The following RYR3 variants were observed in gnomAD, a reference collection of about 807,000 sequenced individuals.
RYR3 encodes brain ryanodine receptor-calcium release channel.
Under a neutral mutation model 584.3 loss-of-function variants are expected in RYR3, and 207 were observed. The ratio of observed to expected loss-of-function variants is 0.35; its 90% CI spans 0.32 to 0.40. The LOEUF is 0.40. Ranked by LOEUF, RYR3 falls within the 10% of genes least tolerant of loss-of-function variation. RYR3 has a pLI of 1.00. For missense variants in RYR3, 5,616 were observed against 6,089.2 expected, an observed-to-expected ratio of 0.92 and a Z score of 2.59; for synonymous variants, 2,416 against 2,248.5, an observed-to-expected ratio of 1.07 and a Z score of -2.11.
intron 16 of RYR3, among the ~76,000 whole-genome samples, chr15:33,592,119 T>C (rs1330896882): frequency 6.6e-6 from 1 of 152,164 alleles, no homozygotes; most frequent in Non-Finnish European, 1.5e-5. Context: ...GGGCCATTGA[T>C]TAGGGAGGCC....
At chr15:33,388,280 G>T (rs1033753405) in intron 1 of RYR3, among the ~76,000 whole-genome samples, 1 of 152,180 alleles carries the variant, frequency 6.6e-6, no homozygotes, top group Non-Finnish European at 1.5e-5. Flanking sequence ...TCAGGCAAGT[G>T]TAAGAATAGA....
intron 8 of RYR3, among the ~76,000 whole-genome samples, chr15:33,546,274 TCTC>T (rs1441057215): frequency 6.6e-6 from 1 of 152,110 alleles, no homozygotes; most frequent in Non-Finnish European, 1.5e-5. Flanking sequence ...TTCACCCTCT[TCTC>T]CTGAAGGGAT....
At chr15:33,794,177 C>T (rs1161196827) in intron 67 of RYR3, among the ~76,000 whole-genome samples, 1 of 79,998 alleles carries the variant, frequency 1.3e-5, no homozygotes, top group African/African-American at 3.6e-5. Context: ...TACAAATATA[C>T]ATTATATATA....
chr15:33,746,182 CTG>C, intron 53 of RYR3, 25 bp downstream of exon 53: 2 of 1,472,432 alleles, frequency 1.4e-6, no homozygotes, highest in Non-Finnish European at 1.9e-6. Context: ...TCTGGTAACA[CTG>C]TGTGACCATG....
At chr15:33,797,592 G>A (rs143548633) in intron 67 of RYR3, among the ~76,000 whole-genome samples, 129 of 152,222 alleles carry the variant, frequency 8.5e-4, no homozygotes, top group African/African-American at 3.0e-3. Context: ...CCTCTTAGAA[G>A]AGGGGTGGCC....
intron 38 of RYR3, among the ~76,000 whole-genome samples, chr15:33,677,810 A>G (rs2152734977): frequency 6.6e-6 from 1 of 152,332 alleles, no homozygotes; most frequent in Admixed American, 6.5e-5. Context: ...TAGCAGAAAT[A>G]CACACCTGTC....
rs1206053625 is a variant in RYR3, at chr15:33,662,165, C to T, written c.4635C>T (p.Ile1545=). 1.2e-5 allele frequency: 19 copies of T among 1,595,942 alleles called. No individual in the cohort carries two copies. Among genetic ancestry groups the T allele is most frequent in the Non-Finnish European group, 1.2e-5 (14 of 1,172,018 alleles). The change falls in exon 35 of 104, where the codon ATC becomes ATT. Residue 1545 remains isoleucine, a synonymous_variant. Coordinates refer to ENST00000634891, the MANE Select transcript of RYR3 (RefSeq NM_001036.6). ...HIPEENRCVD[I]LELCEQEDLM... ...GTCCTGTCCTCAGGTGTGTGGATAT[C>T]CTGGAGCTCTGTGAGCAGGAGGACC...
intron 98 of RYR3, among the ~76,000 whole-genome samples, chr15:33,855,522 TA>T (rs1194093078): frequency 6.6e-6 from 1 of 152,156 alleles, no homozygotes. Flanking sequence ...TTTTAAGGTC[TA>T]CCCCTTCCTC....
At chr15:33,374,394 GTGTGTA>G (rs369345268) in intron 1 of RYR3, among the ~76,000 whole-genome samples, 14 of 148,372 alleles carry the variant, frequency 9.4e-5, no homozygotes, top group African/African-American at 2.6e-4. Context: ...GTGTGTGTGT[GTGTGTA>G]TATATATCTC....
chr15:33,687,811 GAAAGGA>G (rs1208843826), intron 38 of RYR3, among the ~76,000 whole-genome samples: 2 of 152,208 alleles, frequency 1.3e-5, no homozygotes, highest in Non-Finnish European at 2.9e-5. Flanking sequence ...AGGAAATGGG[GAAAGGA>G]TTCCCTATTT....
chr15:33,528,485 T>C (rs1380075874), intron 3 of RYR3, among the ~76,000 whole-genome samples: 1 of 152,216 alleles, frequency 6.6e-6, no homozygotes, highest in Admixed American at 6.5e-5. Context: ...TTTATCCTCC[T>C]AGTCTATTTC....
chr15:33,582,922 G>A (rs2058666667), intron 14 of RYR3, among the ~76,000 whole-genome samples: 1 of 152,156 alleles, frequency 6.6e-6, no homozygotes, highest in African/African-American at 2.4e-5. Context: ...AAGCTACTTG[G>A]GGGCGAATCA....
intron 1 of RYR3, among the ~76,000 whole-genome samples, chr15:33,339,757 T>A (rs939124616): frequency 4.6e-5 from 7 of 151,778 alleles, no homozygotes; most frequent in Admixed American, 4.6e-4. Flanking sequence ...GGTGTAGTGG[T>A]GGGCGCCTGT....
chr15:33,557,566 G>A (rs2057147799), intron 10 of RYR3, among the ~76,000 whole-genome samples: 1 of 152,024 alleles, frequency 6.6e-6, no homozygotes, highest in African/African-American at 2.4e-5. Flanking sequence ...TGTATTTTTA[G>A]TAGAGATGGG....
intron 12 of RYR3, among the ~76,000 whole-genome samples, chr15:33,572,658 TAC>T (rs57835355): frequency 2.3e-4 from 29 of 124,502 alleles, no homozygotes; most frequent in Admixed American, 8.5e-4. Context: ...AAACTATATA[TAC>T]ACACACACAC....
chr15:33,505,658 AT>A (rs1329086760), intron 3 of RYR3, among the ~76,000 whole-genome samples: 1 of 150,928 alleles, frequency 6.6e-6, no homozygotes, highest in Non-Finnish European at 1.5e-5. Context: ...TGCCCGGCTA[AT>A]TTTTTTGTAT....
At chr15:33,416,310 C>CATTG (rs1444109590) in intron 1 of RYR3, among the ~76,000 whole-genome samples, 1 of 152,188 alleles carries the variant, frequency 6.6e-6, no homozygotes, top group Non-Finnish European at 1.5e-5. Context: ...AGCTAATTTG[C>CATTG]ATTGCTACCA....
intron 7 of RYR3, among the ~76,000 whole-genome samples, chr15:33,543,044 G>T (rs1363578327): frequency 6.6e-6 from 1 of 152,114 alleles, no homozygotes; most frequent in Non-Finnish European, 1.5e-5. Flanking sequence ...GTCTACACTT[G>T]TTCACTCAGG....
rs185062244 is a variant in RYR3, at chr15:33,668,249, G to A, written c.5620-1105G>A. Among the ~76,000 whole-genome samples, 423 of 151,918 alleles carry A rather than the reference G, an allele frequency of 2.8e-3. 1 individual carries two copies. The highest frequency in any genetic ancestry group is 9.8e-3 in the African/African-American group (404 of 41,432). On this transcript the variant is annotated intron_variant, in intron 36 of 103. Coordinates refer to ENST00000634891, the MANE Select transcript of RYR3 (RefSeq NM_001036.6). ...GGAGAATGGCGTGAACCCGGGAGGC[G>A]GAGCTTGCAGTGAGCCGGGATTGTG...
Sources: allele counts gnomAD v4.1 joint callset (sites outside exome capture counted in the v4.1 genomes callset), GRCh38; gene constraint gnomAD v4.1.1; transcripts MANE v1.5; gene names NCBI Gene and HGNC (gene_info 2026-07-23, HGNC 2026-07-21).